Variants in ANKH observed in about 807,000 individuals in gnomAD.
ANKH encodes ANKH inorganic pyrophosphate transport regulator, also known as mineralization regulator ANKH.
A neutral mutation model predicts 49.0 loss-of-function variants in ANKH; 15 were observed. The observed-to-expected ratio is 0.31, with a 90% CI of 0.20 to 0.47. The LOEUF is 0.47. Ranked by LOEUF, ANKH falls within the 20% of genes least tolerant of loss-of-function variation. The probability of loss-of-function intolerance (pLI) is 1.00; values close to 1 mark genes in which losing one functional copy is unlikely to be tolerated. For synonymous variants in ANKH, 273 were observed against 260.0 expected, an observed-to-expected ratio of 1.05 and a Z score of -0.48; for missense variants, 429 against 652.0, an observed-to-expected ratio of 0.66 and a Z score of 3.72.
At chr5:14,809,985 C>T (rs957656685) in intron 1 of ANKH, among the ~76,000 whole-genome samples, 2 of 152,104 alleles carry the variant, frequency 1.3e-5, no homozygotes, top group East Asian at 1.9e-4. Context: ...GCCACAGACA[C>T]GGACTCTGTT....
Position 14,798,107 on chromosome 5 carries a change from G to A in ANKH, c.97-28916C>T, listed in dbSNP as rs1009626021. On this transcript the variant is annotated intron_variant, in intron 1 of 11. Transcript: ENST00000284268. ...CTCCAAATTCTCCTTTCTCTCTGTC[G>A]TAGTGTGATGCATCAAACTGAGCAT... The A allele has an allele frequency of 3.9e-5, 61 of 1,557,166 alleles. No individual in the cohort carries two copies. The African/African-American group carries it at 4.6e-4, about 12-fold the overall frequency.
intron 9 of ANKH, among the ~76,000 whole-genome samples, 199 bp downstream of exon 9, chr5:14,716,502 ATAAAT>A (rs1482110652): frequency 1.3e-5 from 2 of 152,138 alleles, no homozygotes; most frequent in Non-Finnish European, 2.9e-5. Flanking sequence ...CAATAAATAA[ATAAAT>A]AAATAAATAA....
intron 2 of ANKH, among the ~76,000 whole-genome samples, chr5:14,766,337 G>A (rs1245638098): frequency 1.3e-5 from 2 of 152,074 alleles, no homozygotes; most frequent in African/African-American, 4.8e-5. Context: ...TCAAGGTTGC[G>A]GTTAGTTGTG....
At chr5:14,816,883 A>G (rs1168081416) in intron 1 of ANKH, among the ~76,000 whole-genome samples, 1 of 152,188 alleles carries the variant, frequency 6.6e-6, no homozygotes, top group Non-Finnish European at 1.5e-5. Flanking sequence ...GACCAAAGGA[A>G]GGACCAGGGA....
chr5:14,788,976 C>T (rs991155373), intron 1 of ANKH, among the ~76,000 whole-genome samples: 3 of 152,188 alleles, frequency 2.0e-5, no homozygotes, highest in African/African-American at 7.2e-5. Flanking sequence ...CGCCTGTAAT[C>T]CCAGCACTTT....
chr5:14,819,902 C>T (rs888908845), intron 1 of ANKH, among the ~76,000 whole-genome samples: 2 of 29,510 alleles, frequency 6.8e-5, no homozygotes, highest in South Asian at 2.1e-3. Flanking sequence ...CAAAAATATA[C>T]ACACACACAC....
In ANKH at chr5:14,707,764, T is replaced by C. The variant is rs1475662621; in HGVS notation, c.*3433A>G. ...CCCCATCTGATACATCCTAAGCCAA[T>C]ATTAAATGTTTCAGTTTCTTAGGGA... is the stretch of plus-strand genomic sequence containing the variant. On this transcript the variant is annotated 3_prime_UTR_variant, in exon 12 of 12. Transcript: ENST00000284268. The C allele has an allele frequency of 1.3e-5, 2 of 152,204 alleles. No individual in the cohort carries two copies. Among genetic ancestry groups the C allele is most frequent in the African/African-American group, 4.8e-5 (2 of 41,440 alleles). 9.4% of individuals were successfully genotyped at this position (152,204 alleles called of 1,614,324 possible). A position where few individuals can be genotyped will look rare whatever the true frequency, so the allele number is the denominator to read the frequency against.
chr5:14,810,648 C>T (rs1051025504), intron 1 of ANKH, among the ~76,000 whole-genome samples: 1 of 152,128 alleles, frequency 6.6e-6, no homozygotes, highest in Non-Finnish European at 1.5e-5. Flanking sequence ...AATTTCAAGT[C>T]TCAGGAATCT....
At chr5:14,727,615 G>C (rs1737862702) in intron 8 of ANKH, among the ~76,000 whole-genome samples, 1 of 151,872 alleles carries the variant, frequency 6.6e-6, no homozygotes, top group South Asian at 2.1e-4. Flanking sequence ...TTTTCTCACA[G>C]GATCTGAGGA....
rs1206260137 is a variant in ANKH at position 14,763,536 on chromosome 5, TA to T, written c.314-4939del. Among the ~76,000 whole-genome samples, 6 of 152,192 alleles carry T rather than the reference TA, an allele frequency of 3.9e-5. No homozygotes were observed. The South Asian group carries it at 6.2e-4, about 16-fold the overall frequency. ...GGCAACACTTGTCCAATGTGGGGGA[TA>T]GGGGGCATAAATATCACCTAGGTCT... is the stretch of plus-strand genomic sequence containing the variant. On this transcript the variant is annotated intron_variant, in intron 2 of 11. Coordinates refer to ENST00000284268, the MANE Select transcript of ANKH (RefSeq NM_054027.6).
In ANKH at chr5:14,807,683, A is replaced by T. The variant is rs554020847; in HGVS notation, c.97-38492T>A. On this transcript the variant is annotated intron_variant, in intron 1 of 11. Coordinates refer to ENST00000284268, the MANE Select transcript of ANKH (RefSeq NM_054027.6). ...TATATGTCAGCAAAGTGGCAAATAC[A>T]AGGGGAGTGATTTGAGGAGATGTGT... 9.2e-5 allele frequency among the ~76,000 whole-genome samples: 14 copies of T among 152,294 alleles called. 1 individual carries two copies. The East Asian group carries it at 2.7e-3, about 29-fold the overall frequency.
intron 1 of ANKH, among the ~76,000 whole-genome samples, chr5:14,789,568 C>T (rs1400370464): frequency 6.6e-6 from 1 of 152,046 alleles, no homozygotes; most frequent in Non-Finnish European, 1.5e-5. Flanking sequence ...GAATAAACCA[C>T]AGTAAATATT....
intron 1 of ANKH, among the ~76,000 whole-genome samples, chr5:14,829,548 A>T (rs1741445903): frequency 6.6e-6 from 1 of 152,224 alleles, no homozygotes; most frequent in Admixed American, 6.5e-5. Context: ...CTTAGGAAGA[A>T]TGCATTTGGG....
intron 1 of ANKH, among the ~76,000 whole-genome samples, chr5:14,826,809 A>C (rs1399530649): frequency 6.6e-6 from 1 of 152,108 alleles, no homozygotes; most frequent in Admixed American, 6.5e-5. Flanking sequence ...AAAACCATCG[A>C]TTTGCTCTCC....
chr5:14,797,760 C>T (rs1207412926), intron 1 of ANKH: 3 of 1,610,884 alleles, frequency 1.9e-6, no homozygotes, highest in East Asian at 4.5e-5. Flanking sequence ...TACCACTTTT[C>T]CCTCCTTTGG....
intron 3 of ANKH, 29 bp from the exon 4 acceptor site, chr5:14,755,973 G>T (rs753624723): frequency 1.1e-5 from 18 of 1,576,024 alleles, no homozygotes; most frequent in South Asian, 6.7e-5. Flanking sequence ...TTTGGCATGA[G>T]ATACACCTTC....
chr5:14,716,911 A>G, intron 8 of ANKH, 76 bp from the exon 9 acceptor site: 1 of 1,579,954 alleles, frequency 6.3e-7, no homozygotes, highest in South Asian at 1.1e-5. Flanking sequence ...GGTGTGGCAC[A>G]ATCCTTGGAG....
intron 8 of ANKH, among the ~76,000 whole-genome samples, chr5:14,733,310 C>G (rs529071403): frequency 6.6e-6 from 1 of 152,302 alleles, no homozygotes; most frequent in East Asian, 1.9e-4. Context: ...ACCCATTTAC[C>G]TTACTGTGCC....
rs1426972556 is a variant in ANKH at position 14,705,209 on chromosome 5, G to A, written c.*5988C>T. 1 of 151,932 alleles carries A rather than the reference G, an allele frequency of 6.6e-6. No individual in the cohort carries two copies. The highest frequency in any genetic ancestry group is 1.5e-5 in the Non-Finnish European group (1 of 68,010). 9.4% of individuals were successfully genotyped at this position (151,932 alleles called of 1,614,324 possible). A position where few individuals can be genotyped will look rare whatever the true frequency, so the allele number is the denominator to read the frequency against. On this transcript the variant is annotated 3_prime_UTR_variant, in exon 12 of 12. Transcript: ENST00000284268. ...AACAGTTTATACCCACAGTTTTGAT[G>A]TGAAACTGACAAACCTATGGGCTGA...
Sources: gnomAD v4.1 joint callset for allele counts (sites outside exome capture counted in the v4.1 genomes callset) on GRCh38, gnomAD v4.1.1 for gene constraint, MANE v1.5 for transcripts, NCBI Gene and HGNC (gene_info 2026-07-23, HGNC 2026-07-21) for gene names.